FSD1L: variants seen among roughly 807,000 people sequenced by gnomAD.
FSD1L encodes the protein fibronectin type III and SPRY domain containing 1 like.
Under a neutral mutation model 71.6 loss-of-function variants are expected in FSD1L, and 45 were observed. The observed-to-expected ratio is 0.63, with a 90% CI of 0.49 to 0.81. The LOEUF (loss-of-function observed/expected upper bound fraction) is 0.81. Among genes scored for constraint, FSD1L ranks in the 30% least tolerant of loss-of-function variants. The pLI, the probability that FSD1L is intolerant of heterozygous loss-of-function variation, is 0.00. For synonymous variants in FSD1L, 197 were observed against 207.2 expected, an observed-to-expected ratio of 0.95 and a Z score of 0.42; for missense variants, 561 against 618.1, an observed-to-expected ratio of 0.91 and a Z score of 0.98.
chr9:105,464,174 G>A (rs1830904920), intron 2 of FSD1L, 62 bp from the exon 3 acceptor site: 2 of 833,818 alleles, frequency 2.4e-6, no homozygotes, highest in East Asian at 2.7e-5. Flanking sequence ...GAGAATGCTT[G>A]TTAATGAGTT....
chr9:105,480,694 T>C (rs1244464176), intron 6 of FSD1L, among the ~76,000 whole-genome samples: 2 of 152,204 alleles, frequency 1.3e-5, no homozygotes, highest in African/African-American at 4.8e-5. Flanking sequence ...TTGTGAAAGT[T>C]TGAAGGTGAA....
chr9:105,455,449 C>G (rs550793663), intron 1 of FSD1L, among the ~76,000 whole-genome samples: 14 of 152,278 alleles, frequency 9.2e-5, no homozygotes, highest in African/African-American at 3.1e-4. Context: ...TGGGATGATG[C>G]AAGTGGCATC....
intron 1 of FSD1L, among the ~76,000 whole-genome samples, chr9:105,455,145 A>G (rs900515175): frequency 2.0e-5 from 3 of 152,220 alleles, no homozygotes; most frequent in Non-Finnish European, 2.9e-5. Flanking sequence ...TAAGCATACT[A>G]TTAGAATGAT....
chr9:105,470,676 C>A (rs1182821778), intron 4 of FSD1L, among the ~76,000 whole-genome samples: 1 of 152,028 alleles, frequency 6.6e-6, no homozygotes, highest in Non-Finnish European at 1.5e-5. Flanking sequence ...ACCATAAAAG[C>A]ACAATTTCCA....
chr9:105,445,430 CAG>C (rs1461372151), upstream of FSD1L, among the ~76,000 whole-genome samples: 1 of 152,056 alleles, frequency 6.6e-6, no homozygotes, highest in Non-Finnish European at 1.5e-5. Flanking sequence ...TGGACTGTGA[CAG>C]AGTCTGGTGA....
intron 7 of FSD1L, among the ~76,000 whole-genome samples, chr9:105,501,739 T>G (rs1264693890): frequency 6.6e-6 from 1 of 152,058 alleles, no homozygotes; most frequent in Non-Finnish European, 1.5e-5. Context: ...CAGCCATCAT[T>G]TCCGCGTTTA....
rs947713219 is a variant in FSD1L, at chr9:105,515,788, G to T, written c.1025+2852G>T. 9.3e-3 allele frequency among the ~76,000 whole-genome samples: 1,347 copies of T among 144,524 alleles called. 22 individuals are homozygous for T. The highest frequency in any genetic ancestry group is 0.033 in the African/African-American group (1,290 of 39,520). 94.8% of individuals were successfully genotyped at this position (144,524 alleles called of 152,430 possible). A position where few individuals can be genotyped will look rare whatever the true frequency, so the allele number is the denominator to read the frequency against. The stretch of plus-strand genomic sequence containing the variant: ...GCAGACACCAAACTAGCTGCAGAAG[G>T]TTTTTTTTTTTTTTTCCATACTCCA... On this transcript the variant is annotated intron_variant, in intron 10 of 13. Coordinates refer to ENST00000481272, the MANE Select transcript of FSD1L (RefSeq NM_001145313.3).
At chr9:105,502,585 A>G (rs766222304) in intron 7 of FSD1L, among the ~76,000 whole-genome samples, 1 of 152,032 alleles carries the variant, frequency 6.6e-6, no homozygotes, top group Admixed American at 6.6e-5. Flanking sequence ...ATACATCTTC[A>G]TTTTCTTTAT....
At chr9:105,532,255 C>T (rs1382954167) in intron 10 of FSD1L, among the ~76,000 whole-genome samples, 1 of 152,168 alleles carries the variant, frequency 6.6e-6, no homozygotes, top group Admixed American at 6.5e-5. Flanking sequence ...TGAAAACATA[C>T]AGACCTTTTG....
At chr9:105,479,509 C>T (rs1053074324) in intron 6 of FSD1L, 133 bp downstream of exon 6, 2 of 711,726 alleles carry the variant, frequency 2.8e-6, no homozygotes, top group African/African-American at 1.8e-5. Context: ...ATAAAATGTC[C>T]TCTGTGTATT....
At chr9:105,463,257 A>G (rs1194348207) in intron 2 of FSD1L, among the ~76,000 whole-genome samples, 1 of 152,216 alleles carries the variant, frequency 6.6e-6, no homozygotes, top group African/African-American at 2.4e-5. Context: ...TTATTCCACA[A>G]AGTCTTATAG....
intron 6 of FSD1L, among the ~76,000 whole-genome samples, chr9:105,480,052 A>G (rs926548074): frequency 6.6e-6 from 1 of 152,236 alleles, no homozygotes; most frequent in Non-Finnish European, 1.5e-5. Context: ...GCATTAACAC[A>G]GAAGGAACAG....
chr9:105,532,790 G>A (rs531123051), intron 10 of FSD1L, among the ~76,000 whole-genome samples: 2 of 152,332 alleles, frequency 1.3e-5, no homozygotes, highest in South Asian at 2.1e-4. Context: ...ACTAAGTCAT[G>A]TGAGTGTTGT....
At position 105,552,062 on chromosome 9, in the gene FSD1L, G is replaced by A. The variant is rs1233232421; in HGVS notation, c.*5579G>A. On this transcript the variant is annotated 3_prime_UTR_variant, in exon 14 of 14. Coordinates refer to ENST00000481272, the MANE Select transcript of FSD1L (RefSeq NM_001145313.3). Reference sequence around the variant, plus strand: ...TGACATATTTGTTTTGCTTTAAATTGGATTAAATGGTTTACAGGTTATCTG... The same window carrying A: ...TGACATATTTGTTTTGCTTTAAATTAGATTAAATGGTTTACAGGTTATCTG... 2 of 152,128 alleles carry A rather than the reference G, an allele frequency of 1.3e-5. No homozygotes were observed. Among genetic ancestry groups the A allele is most frequent in the Non-Finnish European group, 2.9e-5 (2 of 68,004 alleles). 9.4% of individuals were successfully genotyped at this position (152,128 alleles called of 1,614,324 possible).
intron 1 of FSD1L, among the ~76,000 whole-genome samples, chr9:105,453,216 C>A (rs1184425753): frequency 2.6e-5 from 4 of 151,992 alleles, no homozygotes; most frequent in African/African-American, 9.7e-5. Context: ...GAGTCTTGCT[C>A]TGCCACCCAG....
At chr9:105,545,147 C>T (rs1270903313) in intron 13 of FSD1L, among the ~76,000 whole-genome samples, 3 of 151,512 alleles carry the variant, frequency 2.0e-5, no homozygotes, top group African/African-American at 7.3e-5. Context: ...TTTCACATCC[C>T]GTGTAAGTTG....
chr9:105,534,012 A>G (rs923307513), intron 10 of FSD1L, among the ~76,000 whole-genome samples: 1 of 152,302 alleles, frequency 6.6e-6, no homozygotes, highest in Non-Finnish European at 1.5e-5. Flanking sequence ...GGTGTGAGCC[A>G]CCGTGCCTGG....
intron 1 of FSD1L, among the ~76,000 whole-genome samples, chr9:105,457,393 A>G (rs977540151): frequency 6.6e-5 from 10 of 152,216 alleles, no homozygotes; most frequent in Non-Finnish European, 1.3e-4. Flanking sequence ...ATGGGAAGCT[A>G]TTGAAGAATA....
rs1025292547 is a variant in FSD1L at position 105,535,314 on chromosome 9, T to C, written c.1374T>C (p.Asp458=). The part of the protein sequence containing the change: ...PEKIGVFCDF[D]GGQLSFYDAN... ...AAATAGGTGTATTTTGTGATTTTGATGGGGGTAAGTTTATTTTCTCGTAGG... is the reference window on the plus strand; with the variant it reads ...AAATAGGTGTATTTTGTGATTTTGACGGGGGTAAGTTTATTTTCTCGTAGG... The change falls in exon 12 of 14, where the codon GAT becomes GAC. Residue 458 remains aspartate, a synonymous_variant. Coordinates refer to ENST00000481272, the MANE Select transcript of FSD1L (RefSeq NM_001145313.3). The C allele has an allele frequency of 1.3e-6, 2 of 1,551,274 alleles. No homozygotes were observed. Among genetic ancestry groups the C allele is most frequent in the African/African-American group, 2.7e-5 (2 of 73,038 alleles).
Sources: allele counts gnomAD v4.1 joint callset (sites outside exome capture counted in the v4.1 genomes callset), GRCh38; gene constraint gnomAD v4.1.1; transcripts MANE v1.5; gene names NCBI Gene and HGNC (gene_info 2026-07-23, HGNC 2026-07-21).